AKAP6: variants seen among roughly 807,000 people sequenced by gnomAD.
The protein encoded by AKAP6 is A-kinase anchor protein 6.
AKAP6 carries 58 observed loss-of-function variants against 188.5 expected under a neutral mutation model. The observed-to-expected ratio is 0.31, with a 90% CI of 0.25 to 0.38. The LOEUF (loss-of-function observed/expected upper bound fraction) is 0.38, where lower values mean the gene tolerates loss of function less well. Ranked by LOEUF, AKAP6 falls within the 10% of genes least tolerant of loss-of-function variation. The pLI is 1.00. For synonymous variants in AKAP6, 989 were observed against 998.6 expected (o/e 0.99, Z 0.18); for missense variants, 2,710 against 2,740.0 (o/e 0.99, Z 0.24).
intron 1 of AKAP6, among the ~76,000 whole-genome samples, chr14:32,353,454 G>A (rs566855633): frequency 6.6e-5 from 10 of 152,156 alleles, no homozygotes; most frequent in East Asian, 5.8e-4. Flanking sequence ...CCAGCTACTC[G>A]GGAGGCTGAG....
intron 12 of AKAP6, among the ~76,000 whole-genome samples, chr14:32,774,472 A>T (rs2032993256): frequency 6.6e-6 from 1 of 152,188 alleles, no homozygotes; most frequent in Non-Finnish European, 1.5e-5. Context: ...GTTTCCTCTT[A>T]GAGTTTTAAT....
chr14:32,578,922 T>C (rs563365407), intron 5 of AKAP6, among the ~76,000 whole-genome samples: 49 of 152,220 alleles, frequency 3.2e-4, no homozygotes, highest in African/African-American at 1.1e-3. Flanking sequence ...GGCATCCTTA[T>C]GTTAGCCTCT....
intron 1 of AKAP6, among the ~76,000 whole-genome samples, chr14:32,383,854 A>C (rs570911815): frequency 2.0e-5 from 3 of 152,350 alleles, no homozygotes; most frequent in Admixed American, 6.5e-5. Flanking sequence ...AAACAGCATT[A>C]CTGAGAGGCC....
intron 12 of AKAP6, among the ~76,000 whole-genome samples, chr14:32,784,620 T>C (rs1414380614): frequency 6.6e-6 from 1 of 152,240 alleles, no homozygotes; most frequent in Non-Finnish European, 1.5e-5. Flanking sequence ...GTTGTATTAC[T>C]TGCTAACAGC....
intron 2 of AKAP6, among the ~76,000 whole-genome samples, chr14:32,531,282 G>A (rs1882402820): frequency 6.6e-6 from 1 of 152,214 alleles, no homozygotes; most frequent in African/African-American, 2.4e-5. Flanking sequence ...TTTGAGATGG[G>A]CTTCTGATTA....
At chr14:32,532,847 A>G (rs912105219) in intron 2 of AKAP6, among the ~76,000 whole-genome samples, 2 of 152,192 alleles carry the variant, frequency 1.3e-5, no homozygotes, top group African/African-American at 2.4e-5. Context: ...TGCTCCCCAT[A>G]TCAGAGGCAT....
rs576877570 is a variant in AKAP6 at position 32,577,209 on chromosome 14, G to T, written c.2436G>T (p.Met812Ile). 2 of 1,612,400 alleles carry T rather than the reference G, an allele frequency of 1.2e-6. No homozygotes were observed. Among genetic ancestry groups the T allele is most frequent in the African/African-American group, 2.7e-5 (2 of 74,812 alleles). The change falls in exon 5 of 14, where the codon ATG (methionine) becomes ATT (isoleucine). Residue 812 changes from methionine (M) to isoleucine (I), a missense_variant. Transcript: ENST00000280979. ...TENWTPPKAE[M>I]DDLKLYLETH... The stretch of plus-strand genomic sequence containing the variant: ...ATTGGACTCCCCCTAAAGCAGAGAT[G>T]GATGACCTTAAACTGTATCTGGAGA...
chr14:32,679,427 GT>G (rs1232661178), intron 8 of AKAP6, among the ~76,000 whole-genome samples: 5 of 152,128 alleles, frequency 3.3e-5, no homozygotes, highest in African/African-American at 1.2e-4. Context: ...TACATTACAT[GT>G]TAATAACATT....
At chr14:32,550,876 A>G (rs1418577720) in intron 4 of AKAP6, among the ~76,000 whole-genome samples, 2 of 152,120 alleles carry the variant, frequency 1.3e-5, no homozygotes, top group African/African-American at 2.4e-5. Context: ...TCCTTCCTGG[A>G]TTACTGCAGT....
intron 9 of AKAP6, among the ~76,000 whole-genome samples, chr14:32,724,142 A>T (rs752546177): frequency 6.6e-6 from 1 of 152,078 alleles, no homozygotes; most frequent in Non-Finnish European, 1.5e-5. Flanking sequence ...TGAGTTTATG[A>T]TCTCTGAACT....
intron 9 of AKAP6, among the ~76,000 whole-genome samples, chr14:32,722,226 T>C (rs2030581504): frequency 6.6e-6 from 1 of 152,170 alleles, no homozygotes; most frequent in Non-Finnish European, 1.5e-5. Context: ...TGAAGTGCTT[T>C]TTTTTGGAAC....
chr14:32,731,697 C>CCAAATAGAGT (rs2031183694), intron 9 of AKAP6, among the ~76,000 whole-genome samples: 1 of 152,008 alleles, frequency 6.6e-6, no homozygotes, highest in Admixed American at 6.6e-5. Context: ...TAATATAGGA[C>CCAAATAGAGT]TAACTATGGA....
At chr14:32,329,571 G>A (rs1420130021) in intron 1 of AKAP6, among the ~76,000 whole-genome samples, 163 bp downstream of exon 1, 2 of 152,010 alleles carry the variant, frequency 1.3e-5, no homozygotes, top group African/African-American at 4.8e-5. Context: ...TAAGACAAAG[G>A]CCTGTAAGAG....
intron 1 of AKAP6, among the ~76,000 whole-genome samples, chr14:32,388,563 C>A (rs981088443): frequency 7.9e-5 from 12 of 151,966 alleles, no homozygotes; most frequent in African/African-American, 2.9e-4. Context: ...TATTGTCATT[C>A]AGTTTGAAGA....
intron 1 of AKAP6, among the ~76,000 whole-genome samples, chr14:32,357,554 T>G (rs1215006637): frequency 1.3e-5 from 2 of 152,210 alleles, no homozygotes; most frequent in African/African-American, 4.8e-5. Context: ...GTGCAAGTCT[T>G]TACTGTGGAC....
chr14:32,692,152 G>A (rs910252338), intron 8 of AKAP6, among the ~76,000 whole-genome samples: 1 of 152,148 alleles, frequency 6.6e-6, no homozygotes, highest in Non-Finnish European at 1.5e-5. Flanking sequence ...ACTGGATAAA[G>A]GGTGAGTATC....
chr14:32,358,946 G>T (rs891878847), intron 1 of AKAP6, among the ~76,000 whole-genome samples: 2 of 152,322 alleles, frequency 1.3e-5, no homozygotes, highest in African/African-American at 4.8e-5. Flanking sequence ...GGTCCCAGGT[G>T]CAGAGGAGGT....
chr14:32,646,696 G>A (rs974004591), intron 7 of AKAP6, among the ~76,000 whole-genome samples: 2 of 152,050 alleles, frequency 1.3e-5, no homozygotes, highest in East Asian at 1.9e-4. Context: ...AATGTCATTC[G>A]GGCTTCATAT....
intron 2 of AKAP6, among the ~76,000 whole-genome samples, chr14:32,436,946 A>G (rs1047083379): frequency 1.3e-5 from 2 of 152,154 alleles, no homozygotes; most frequent in Non-Finnish European, 2.9e-5. Flanking sequence ...AGTAATAAAT[A>G]TGTAAATGAG....
Sources: gnomAD v4.1 joint callset for allele counts (sites outside exome capture counted in the v4.1 genomes callset) on GRCh38, gnomAD v4.1.1 for gene constraint, MANE v1.5 for transcripts, NCBI Gene and HGNC (gene_info 2026-07-23, HGNC 2026-07-21) for gene names.